Variants in ERBIN observed in about 807,000 individuals in gnomAD.
ERBIN encodes densin-180-like protein.
A neutral mutation model predicts 158.4 loss-of-function variants in ERBIN; 60 were observed. The observed-to-expected ratio is 0.38, with a 90% CI of 0.31 to 0.47. The LOEUF is 0.47. ERBIN is among the 20% of genes least tolerant of loss of function. The pLI is 0.99. For missense variants in ERBIN, 1,610 were observed against 1,648.0 expected (o/e 0.98, Z 0.40); for synonymous variants, 594 against 557.2 (o/e 1.07, Z -0.93).
At chr5:66,038,791 C>A (rs895897653) in intron 15 of ERBIN, among the ~76,000 whole-genome samples, 1 of 151,938 alleles carries the variant, frequency 6.6e-6, no homozygotes, top group Admixed American at 6.6e-5. Flanking sequence ...AATTATTAAA[C>A]CAAGAAATAT....
chr5:65,926,769 C>G lies in ERBIN; in HGVS notation c.-95C>G, dbSNP rs1742700501. ...GGAAGGAAATCATGTCAAGCGAAGC[C>G]TTGAAAAAGCTGCCCTGAGACGGTG... On this transcript the variant is annotated 5_prime_UTR_variant, in exon 1 of 26. Coordinates refer to ENST00000284037, the MANE Select transcript of ERBIN (RefSeq NM_001253697.2). The G allele has an allele frequency of 6.6e-6, 1 of 152,030 alleles. No individual in the cohort carries two copies. The highest frequency in any genetic ancestry group is 1.5e-5 in the Non-Finnish European group (1 of 68,024). The allele number at this position is 152,030 out of a possible 1,614,324, so 9.4% of individuals were successfully genotyped here. A position where few individuals can be genotyped will look rare whatever the true frequency, so the allele number is the denominator to read the frequency against.
chr5:65,941,803 C>A (rs766746916), intron 1 of ERBIN, among the ~76,000 whole-genome samples: 2 of 151,854 alleles, frequency 1.3e-5, no homozygotes, highest in Non-Finnish European at 2.9e-5. Context: ...TGCAGTGGCA[C>A]GATCTCTGCT....
intron 1 of ERBIN, among the ~76,000 whole-genome samples, chr5:65,986,113 T>C (rs1751201059): frequency 6.6e-6 from 1 of 152,204 alleles, no homozygotes; most frequent in African/African-American, 2.4e-5. Context: ...GATGATCTCA[T>C]CTTATTTCAT....
intron 22 of ERBIN, among the ~76,000 whole-genome samples, chr5:66,073,502 T>C (rs1363236508): frequency 6.6e-6 from 1 of 152,218 alleles, no homozygotes; most frequent in Non-Finnish European, 1.5e-5. Context: ...TATCACAGAA[T>C]ACCCATGTGT....
intron 1 of ERBIN, among the ~76,000 whole-genome samples, chr5:65,929,575 G>A (rs1207657646): frequency 6.7e-6 from 1 of 148,518 alleles, no homozygotes; most frequent in Non-Finnish European, 1.5e-5. Flanking sequence ...GCTTGCTTCC[G>A]TTTTCTTTTT....
intron 14 of ERBIN, among the ~76,000 whole-genome samples, chr5:66,036,479 CACCTTAGACTTTCTT>C (rs1434479450): frequency 6.6e-6 from 1 of 152,194 alleles, no homozygotes; most frequent in Non-Finnish European, 1.5e-5. Context: ...TTCTTATCCT[CACCTTAGACTTTCTT>C]TCAGGAATGC....
At chr5:66,019,781 T>A (rs1010817820) in intron 7 of ERBIN, among the ~76,000 whole-genome samples, 1 of 152,178 alleles carries the variant, frequency 6.6e-6, no homozygotes, top group African/African-American at 2.4e-5. Context: ...TTTCTAAAAC[T>A]GTTATGCCAT....
chr5:66,015,252 G>A (rs575447334), intron 7 of ERBIN, among the ~76,000 whole-genome samples: 14 of 152,250 alleles, frequency 9.2e-5, no homozygotes, highest in South Asian at 4.1e-4. Flanking sequence ...CTACAAACTC[G>A]AAATTCACTG....
chr5:65,944,099 A>G (rs1745432709), intron 1 of ERBIN, among the ~76,000 whole-genome samples: 1 of 152,074 alleles, frequency 6.6e-6, no homozygotes, highest in Admixed American at 6.5e-5. Context: ...ATAATGCTGT[A>G]TGAACATGGG....
At chr5:65,936,822 G>C (rs753933095) in intron 1 of ERBIN, among the ~76,000 whole-genome samples, 1 of 152,164 alleles carries the variant, frequency 6.6e-6, no homozygotes, top group African/African-American at 2.4e-5. Flanking sequence ...CCATCTCCCA[G>C]ATATACTCCG....
In ERBIN at chr5:65,994,874, T is replaced by C. The variant is rs773877079; in HGVS notation, c.307+10T>C. On this transcript the variant is annotated intron_variant, in intron 4 of 25. Transcript: ENST00000284037. Reference sequence around the variant, plus strand: ...GATGTCAGCAAGAATGGTAAGGCTTTTTTTGCCCATAATTTTTTGTACTTG... The same window carrying C: ...GATGTCAGCAAGAATGGTAAGGCTTCTTTTGCCCATAATTTTTTGTACTTG... The C allele has an allele frequency of 2.0e-4, 313 of 1,535,706 alleles. No individual in the cohort carries two copies. Among genetic ancestry groups the C allele is most frequent in the Non-Finnish European group, 2.6e-4 (291 of 1,123,676 alleles).
intron 1 of ERBIN, among the ~76,000 whole-genome samples, chr5:65,944,225 TAA>T (rs1745458236): frequency 5.5e-5 from 1 of 18,178 alleles, no homozygotes; most frequent in African/African-American, 1.7e-4. Flanking sequence ...TTTTTTTTTT[TAA>T]GGAACCACCA....
At chr5:66,047,886 G>A (rs1758604781) in intron 18 of ERBIN, among the ~76,000 whole-genome samples, 1 of 151,930 alleles carries the variant, frequency 6.6e-6, no homozygotes, top group Non-Finnish European at 1.5e-5. Context: ...AGCTAAGGTG[G>A]CAGAATGGAT....
intron 21 of ERBIN, among the ~76,000 whole-genome samples, chr5:66,055,558 A>T (rs1307546729): frequency 6.6e-6 from 1 of 152,092 alleles, no homozygotes. Flanking sequence ...TCAATTTATA[A>T]TTTTATGTGT....
chr5:66,039,303 C>G (rs918558871), intron 15 of ERBIN, among the ~76,000 whole-genome samples: 2 of 151,800 alleles, frequency 1.3e-5, no homozygotes, highest in Admixed American at 6.6e-5. Context: ...CACATTCATT[C>G]ACTACAAAAC....
intron 21 of ERBIN, among the ~76,000 whole-genome samples, chr5:66,068,629 T>C (rs1161199091): frequency 2.6e-5 from 4 of 152,320 alleles, no homozygotes; most frequent in African/African-American, 9.6e-5. Flanking sequence ...AAAGCAGTTA[T>C]ATGTCTGTAC....
chr5:65,935,092 G>C (rs1743919055), intron 1 of ERBIN, among the ~76,000 whole-genome samples: 1 of 151,952 alleles, frequency 6.6e-6, no homozygotes, highest in South Asian at 2.1e-4. Flanking sequence ...CATATACAAA[G>C]CTAGGAAATA....
intron 16 of ERBIN, 75 bp downstream of exon 16, chr5:66,043,273 T>A (rs1022312455): frequency 7.9e-6 from 11 of 1,401,120 alleles, no homozygotes; most frequent in African/African-American, 1.4e-5. Context: ...TATACTATGA[T>A]GTCTGGGGAT....
chr5:66,060,350 A>T (rs1011526897), intron 21 of ERBIN, among the ~76,000 whole-genome samples: 1 of 152,086 alleles, frequency 6.6e-6, no homozygotes, highest in African/African-American at 2.4e-5. Flanking sequence ...GTTTTCTCTG[A>T]TGGTAGTTTG....
Sources: allele counts gnomAD v4.1 joint callset (sites outside exome capture counted in the v4.1 genomes callset), GRCh38; gene constraint gnomAD v4.1.1; transcripts MANE v1.5; gene names NCBI Gene and HGNC (gene_info 2026-07-23, HGNC 2026-07-21).